The following EPHB1 variants were observed in gnomAD, a reference collection of about 807,000 sequenced individuals.
EPHB1 encodes the protein EPH receptor B1.
In EPHB1, 30 loss-of-function variants were observed where a neutral mutation model predicts 94.4. That is an observed-to-expected ratio of 0.32 (90% CI 0.24 to 0.43). The LOEUF (loss-of-function observed/expected upper bound fraction) is 0.43, where lower values mean the gene tolerates loss of function less well. Among genes scored for constraint, EPHB1 ranks in the 20% least tolerant of loss-of-function variants. The probability of loss-of-function intolerance (pLI) is 1.00; values close to 1 mark genes in which losing one functional copy is unlikely to be tolerated. For synonymous variants in EPHB1, 522 were observed against 489.1 expected, an observed-to-expected ratio of 1.07 and a Z score of -0.89; for missense variants, 1,055 against 1,308.3, an observed-to-expected ratio of 0.81 and a Z score of 2.99.
At chr3:135,047,487 T>TG (rs1237942146) in intron 3 of EPHB1, among the ~76,000 whole-genome samples, 1 of 152,170 alleles carries the variant, frequency 6.6e-6, no homozygotes, top group African/African-American at 2.4e-5. Context: ...AGCATCGAAC[T>TG]GCACAGCCAG....
In EPHB1 at chr3:135,169,412, C is replaced by T. The variant is rs114653379; in HGVS notation, c.1759+2406C>T. Among the ~76,000 whole-genome samples, 230 of 152,276 alleles carry T rather than the reference C, an allele frequency of 1.5e-3. 1 individual carries two copies. The highest frequency in any genetic ancestry group is 5.3e-3 in the African/African-American group (221 of 41,588). On this transcript the variant is annotated intron_variant, in intron 9 of 15. Transcript: ENST00000398015. ...TTGCCTTTTATAAATCTTGTCATTT[C>T]CCTCTATTCATAACTATTCTCTTTT... is the stretch of plus-strand genomic sequence containing the variant.
intron 4 of EPHB1, among the ~76,000 whole-genome samples, chr3:135,132,295 G>A (rs1319147724): frequency 6.6e-6 from 1 of 152,014 alleles, no homozygotes; most frequent in Non-Finnish European, 1.5e-5. Flanking sequence ...GGTTTTTGGA[G>A]GGGCCACTCA....
At chr3:135,070,874 T>A (rs1937682976) in intron 3 of EPHB1, among the ~76,000 whole-genome samples, 1 of 152,194 alleles carries the variant, frequency 6.6e-6, no homozygotes, top group Admixed American at 6.6e-5. Flanking sequence ...GCTCTGTAAC[T>A]GCAACAAGTA....
intron 1 of EPHB1, 122 bp downstream of exon 1, chr3:134,795,811 C>T: frequency 8.7e-7 from 1 of 1,152,974 alleles, no homozygotes; most frequent in Non-Finnish European, 1.3e-6. Flanking sequence ...GACCCGAGGG[C>T]AAGGAGGTTT....
intron 1 of EPHB1, among the ~76,000 whole-genome samples, chr3:134,824,125 C>CTT (rs373504139): frequency 0.012 from 1,209 of 100,662 alleles, 20 homozygotes; most frequent in Non-Finnish European, 0.017. Context: ...GGATAATGCC[C>CTT]TTTTTTTTTT....
chr3:135,118,165 C>T (rs1939789298), intron 4 of EPHB1, among the ~76,000 whole-genome samples: 1 of 152,130 alleles, frequency 6.6e-6, no homozygotes, highest in Non-Finnish European at 1.5e-5. Flanking sequence ...GCATGAGGCT[C>T]CATGAGGTCA....
In EPHB1 at chr3:134,847,887, T is replaced by C. The variant is rs140685380; in HGVS notation, c.58+52198T>C. Among the ~76,000 whole-genome samples the C allele has an allele frequency of 3.3e-4, 50 of 152,344 alleles. No homozygotes were observed. In the East Asian group the frequency reaches 4.4e-3, roughly 14 times the overall value. ...TGATACCCTGCCTGGAGACAGCGTT[T>C]AGATTGTGTGGTGCTGTGGTTTCTA... On this transcript the variant is annotated intron_variant, in intron 1 of 15. Transcript: ENST00000398015.
chr3:135,016,550 T>G (rs1260646966), intron 3 of EPHB1, among the ~76,000 whole-genome samples: 1 of 152,168 alleles, frequency 6.6e-6, no homozygotes, highest in African/African-American at 2.4e-5. Context: ...CTGGTTGCAG[T>G]GCAGCCAGTG....
intron 10 of EPHB1, 137 bp from the exon 11 acceptor site, chr3:135,192,439 G>A: frequency 9.4e-7 from 1 of 1,059,952 alleles, no homozygotes; most frequent in Non-Finnish European, 1.4e-6. Flanking sequence ...TAGTTACAAT[G>A]AGAGAAGACT....
chr3:135,081,782 A>G (rs143636033), intron 3 of EPHB1, among the ~76,000 whole-genome samples: 2 of 152,210 alleles, frequency 1.3e-5, no homozygotes, highest in Non-Finnish European at 2.9e-5. Flanking sequence ...ACTCATGTGG[A>G]TGTGACCCCT....
chr3:135,218,084 A>G (rs539413849), intron 12 of EPHB1, among the ~76,000 whole-genome samples: 3 of 152,128 alleles, frequency 2.0e-5, no homozygotes, highest in South Asian at 2.1e-4. Flanking sequence ...TCATCTTTCA[A>G]TCATTGAGCT....
Position 135,143,837 on chromosome 3 carries a change from A to G in EPHB1, c.1298-10315A>G, listed in dbSNP as rs377183621. ...CAGGTTTGCTATAGTTTTCACATAA[A>G]TGGCACATTCTAAGACATCTTTTGA... On this transcript the variant is annotated intron_variant, in intron 5 of 15. Transcript: ENST00000398015. Among the ~76,000 whole-genome samples, 5 of 152,178 alleles carry G rather than the reference A, an allele frequency of 3.3e-5. No homozygotes were observed. The East Asian group carries it at 9.6e-4, about 29-fold the overall frequency.
At chr3:134,803,099 C>A (rs191658907) in intron 1 of EPHB1, among the ~76,000 whole-genome samples, 1 of 152,318 alleles carries the variant, frequency 6.6e-6, no homozygotes, top group East Asian at 1.9e-4. Context: ...ATGGGAGGTT[C>A]CCCCAGAGTT....
intron 1 of EPHB1, among the ~76,000 whole-genome samples, chr3:134,888,188 C>T (rs961096877): frequency 1.3e-5 from 2 of 152,162 alleles, no homozygotes; most frequent in Non-Finnish European, 2.9e-5. Flanking sequence ...CAGGGGCAGC[C>T]AGCCAGAGCA....
chr3:134,827,635 C>T (rs375663130), intron 1 of EPHB1, among the ~76,000 whole-genome samples: 2 of 152,198 alleles, frequency 1.3e-5, no homozygotes, highest in African/African-American at 4.8e-5. Flanking sequence ...ATCCCAGTTT[C>T]AATGTGTAGC....
At chr3:135,186,440 G>T (rs983129683) in intron 10 of EPHB1, among the ~76,000 whole-genome samples, 1 of 152,206 alleles carries the variant, frequency 6.6e-6, no homozygotes, top group Non-Finnish European at 1.5e-5. Context: ...ACAAGCTAGT[G>T]TGTTAAAACT....
intron 1 of EPHB1, among the ~76,000 whole-genome samples, chr3:134,828,143 G>A (rs144522175): frequency 6.6e-6 from 1 of 152,304 alleles, no homozygotes; most frequent in Non-Finnish European, 1.5e-5. Flanking sequence ...ATTGAGGGAA[G>A]TTGGCCCATT....
intron 1 of EPHB1, among the ~76,000 whole-genome samples, chr3:134,799,932 C>A (rs1306684594): frequency 6.6e-6 from 1 of 152,110 alleles, no homozygotes; most frequent in African/African-American, 2.4e-5. Context: ...CACCATGACC[C>A]CCTCCTCTGG....
At chr3:135,074,971 A>C (rs908368526) in intron 3 of EPHB1, among the ~76,000 whole-genome samples, 17 of 152,182 alleles carry the variant, frequency 1.1e-4, no homozygotes, top group African/African-American at 3.9e-4. Flanking sequence ...CCCTCGCTGT[A>C]ATACACCTAT....
Sources: allele counts gnomAD v4.1 joint callset (sites outside exome capture counted in the v4.1 genomes callset), GRCh38; gene constraint gnomAD v4.1.1; transcripts MANE v1.5; gene names NCBI Gene and HGNC (gene_info 2026-07-23, HGNC 2026-07-21).